The following CACNA1C variants were observed in gnomAD, a reference collection of about 807,000 sequenced individuals.
The protein encoded by CACNA1C is voltage-dependent L-type calcium channel subunit alpha-1C.
A neutral mutation model predicts 229.0 loss-of-function variants in CACNA1C; 30 were observed. The ratio of observed to expected loss-of-function variants is 0.13; its 90% CI spans 0.10 to 0.18. CACNA1C has a LOEUF of 0.18. Among genes scored for constraint, CACNA1C ranks in the 10% least tolerant of loss-of-function variants. The pLI is 1.00. For synonymous variants in CACNA1C, 1,114 were observed against 1,132.5 expected, an observed-to-expected ratio of 0.98 and a Z score of 0.33; for missense variants, 1,658 against 2,845.0, an observed-to-expected ratio of 0.58 and a Z score of 9.49.
chr12:2,613,063 T>A (rs1414429506), intron 29 of CACNA1C: 2 of 152,188 alleles, frequency 1.3e-5, no homozygotes, highest in African/African-American at 4.8e-5. Flanking sequence ...ATCTTCTATT[T>A]TCATTCAAGT....
chr12:2,109,022 T>C (rs1247246850), intron 1 of CACNA1C, among the ~76,000 whole-genome samples: 5 of 152,214 alleles, frequency 3.3e-5, no homozygotes, highest in Non-Finnish European at 7.3e-5. Flanking sequence ...GTCAGGACTT[T>C]AGGGAGAAAT....
At chr12:2,498,048 G>A (rs779299540) in intron 7 of CACNA1C, among the ~76,000 whole-genome samples, 18 of 151,392 alleles carry the variant, frequency 1.2e-4, no homozygotes, top group African/African-American at 2.4e-4. Context: ...AATATCCCTC[G>A]TTTATGACAA....
chr12:2,352,704 T>C (rs2097239758), intron 3 of CACNA1C, among the ~76,000 whole-genome samples: 1 of 150,698 alleles, frequency 6.6e-6, no homozygotes, highest in South Asian at 2.1e-4. Flanking sequence ...CCCCCAAGGA[T>C]GCTGAATTAG....
chr12:2,383,188 C>T (rs907022558), intron 3 of CACNA1C, among the ~76,000 whole-genome samples: 2 of 152,162 alleles, frequency 1.3e-5, no homozygotes, highest in African/African-American at 4.8e-5. Flanking sequence ...GTAGCTATTA[C>T]TATGATCATA....
intron 7 of CACNA1C, among the ~76,000 whole-genome samples, chr12:2,503,137 T>C (rs555436456): frequency 3.9e-5 from 6 of 152,358 alleles, no homozygotes; most frequent in Admixed American, 2.6e-4. Flanking sequence ...TGCTCAAGCA[T>C]GCATCAGAAT....
At position 2,683,426 on chromosome 12, in the gene CACNA1C, A is replaced by G. The variant is rs190591268; in HGVS notation, c.5573+748A>G. Among the ~76,000 whole-genome samples the G allele has an allele frequency of 3.3e-5, 5 of 152,144 alleles. No individual in the cohort carries two copies. The South Asian group carries it at 6.2e-4, about 19-fold the overall frequency. On this transcript the variant is annotated intron_variant, in intron 43 of 46. Transcript: ENST00000399655. ...AGAGTGACATCCACAGAAGTTTGAGACACAGTGTTTCCGAAGCTTTTCTGG... is the reference window on the plus strand; with the variant it reads ...AGAGTGACATCCACAGAAGTTTGAGGCACAGTGTTTCCGAAGCTTTTCTGG...
intron 3 of CACNA1C, among the ~76,000 whole-genome samples, chr12:2,352,443 G>A (rs755910866): frequency 4.6e-5 from 7 of 152,198 alleles, no homozygotes; most frequent in Non-Finnish European, 8.8e-5. Context: ...TTGGGGAAAC[G>A]TGGTCGGGTT....
intron 3 of CACNA1C, among the ~76,000 whole-genome samples, chr12:2,227,826 T>C (rs1803411342): frequency 1.3e-5 from 2 of 152,248 alleles, no homozygotes; most frequent in Non-Finnish European, 2.9e-5. Flanking sequence ...CCATTTTTTC[T>C]TTCTCATTGA....
Position 2,566,290 on chromosome 12 carries a change from T to A in CACNA1C, c.1509-132T>A. On this transcript the variant is annotated intron_variant, in intron 11 of 46. Transcript: ENST00000399655. The surrounding 1 kb of genome is among the most constrained non-coding windows in gnomAD (Gnocchi z 4.0). ...TAGCTGGATGAGAAGCTGGGCTCCTTGCCACCAGATTGGGCTGCTCTAGCA... is the reference window on the plus strand; with the variant it reads ...TAGCTGGATGAGAAGCTGGGCTCCTAGCCACCAGATTGGGCTGCTCTAGCA... 1.3e-6 allele frequency: 1 copy of A among 782,118 alleles called. No individual in the cohort carries two copies. Among genetic ancestry groups the A allele is most frequent in the Non-Finnish European group, 2.0e-6 (1 of 507,908 alleles). 48.4% of individuals were successfully genotyped at this position (782,118 alleles called of 1,614,324 possible).
intron 15 of CACNA1C, 74 bp from the exon 16 acceptor site, chr12:2,584,429 C>G (rs2061678596): frequency 1.9e-6 from 2 of 1,026,622 alleles, no homozygotes; most frequent in South Asian, 2.6e-5. Flanking sequence ...CTGCACGCCC[C>G]ACATCCCCCG....
rs551554280 is a variant in CACNA1C at position 2,634,528 on chromosome 12, T to C, written c.3912+148T>C. ...TTTGTTTGAATTGGTTTGAAGGTTT[T>C]TTTTTCCTTGTTGCTTTATTTTGAA... On this transcript the variant is annotated intron_variant, in intron 30 of 46. Transcript: ENST00000399655. 11 of 451,068 alleles carry C rather than the reference T, an allele frequency of 2.4e-5. No homozygotes were observed. In the South Asian group the frequency reaches 6.2e-4, roughly 26 times the overall value. 27.9% of individuals were successfully genotyped at this position (451,068 alleles called of 1,614,324 possible).
At chr12:2,151,941 G>T (rs757256448) in intron 3 of CACNA1C, among the ~76,000 whole-genome samples, 3 of 152,208 alleles carry the variant, frequency 2.0e-5, no homozygotes, top group Non-Finnish European at 2.9e-5. Flanking sequence ...TGGGAGATCT[G>T]AACCAAGCGA....
chr12:2,135,746 A>G lies in CACNA1C; in HGVS notation c.477+15316A>G, dbSNP rs530721946. 8.2e-3 allele frequency among the ~76,000 whole-genome samples: 1,191 copies of G among 145,158 alleles called. 26 individuals are homozygous for G. Among genetic ancestry groups the G allele is most frequent in the South Asian group, 9.5e-3 (44 of 4,656 alleles). On this transcript the variant is annotated intron_variant, in intron 3 of 46. Transcript: ENST00000399655. ...AGGGACATTTAAGTCTGCAGAAGTT[A>G]CTGCTGTCTTTTTGTTTGTCTGTGC...
intron 5 of CACNA1C, among the ~76,000 whole-genome samples, chr12:2,463,432 TGTA>T (rs2099529214): frequency 6.6e-6 from 1 of 152,040 alleles, no homozygotes; most frequent in Non-Finnish European, 1.5e-5. Context: ...GAGCTTGAAG[TGTA>T]GTAGAAGAAA....
At chr12:2,257,287 C>T (rs1271506093) in intron 3 of CACNA1C, among the ~76,000 whole-genome samples, 1 of 152,212 alleles carries the variant, frequency 6.6e-6, no homozygotes, top group African/African-American at 2.4e-5. Flanking sequence ...GCTGAGTACC[C>T]TGGAGGACGG....
intron 3 of CACNA1C, among the ~76,000 whole-genome samples, chr12:2,272,796 C>T (rs543187772): frequency 8.5e-5 from 13 of 152,222 alleles, no homozygotes; most frequent in Non-Finnish European, 1.9e-4. Context: ...CTTTCTATGA[C>T]TAGTGCTACG....
At chr12:2,682,817 T>A in intron 43 of CACNA1C, 139 bp downstream of exon 43, 2 of 488,280 alleles carry the variant, frequency 4.1e-6, no homozygotes, top group Non-Finnish European at 5.9e-6. Context: ...CTGCACCGCC[T>A]CTTTCATCTC....
At chr12:2,308,862 A>G (rs2095256422) in intron 3 of CACNA1C, among the ~76,000 whole-genome samples, 2 of 152,236 alleles carry the variant, frequency 1.3e-5, no homozygotes, top group East Asian at 1.9e-4. Context: ...ATATGAAAAC[A>G]AGGGAATCCT....
At chr12:2,064,967 G>A (rs1157603841) in intron 1 of CACNA1C, among the ~76,000 whole-genome samples, 3 of 152,222 alleles carry the variant, frequency 2.0e-5, no homozygotes, top group Non-Finnish European at 2.9e-5. Context: ...GTGAAGCTCA[G>A]AAGACTTTGC....
Sources: gnomAD v4.1 joint callset for allele counts (sites outside exome capture counted in the v4.1 genomes callset) on GRCh38, gnomAD v4.1.1 for gene constraint, Gnocchi (gnomAD v3.1) non-coding constraint, MANE v1.5 for transcripts, NCBI Gene and HGNC (gene_info 2026-07-23, HGNC 2026-07-21) for gene names.